Variants in ANOS1 observed in about 807,000 individuals in gnomAD.
ANOS1 encodes the protein anosmin 1.
ANOS1 carries 6 observed loss-of-function variants against 59.0 expected under a neutral mutation model. The observed-to-expected ratio is 0.10, with a 90% CI of 0.06 to 0.20. The LOEUF is 0.20. Among genes scored for constraint, ANOS1 ranks in the 10% least tolerant of loss-of-function variants. The pLI is 1.00. For synonymous variants in ANOS1, 217 were observed against 223.4 expected (o/e 0.97, Z 0.25); for missense variants, 433 against 542.3 (o/e 0.80, Z 2.00).
At chrX:8,552,141 C>T (rs2146795668) in intron 9 of ANOS1, among the ~76,000 whole-genome samples, 1 of 112,264 alleles carries the variant, frequency 8.9e-6, no homozygotes, top group South Asian at 3.7e-4. Flanking sequence ...ATTCAAATAA[C>T]AATGAGGTAT....
intron 3 of ANOS1, among the ~76,000 whole-genome samples, chrX:8,602,847 C>T (rs1041990886): frequency 2.5e-4 from 28 of 110,638 alleles, no homozygotes; most frequent in East Asian, 1.1e-3. Flanking sequence ...CAAGCGATTC[C>T]CCTGCCTCGG....
At chrX:8,712,739 G>A (rs888668565) in intron 1 of ANOS1, among the ~76,000 whole-genome samples, 2 of 112,058 alleles carry the variant, frequency 1.8e-5, no homozygotes, top group African/African-American at 3.2e-5. Flanking sequence ...ATCATAAGAA[G>A]GCATTTGTAA....
rs758957115 is a variant in ANOS1 at position 8,587,752 on chromosome X, C to CTA, written c.726+40_726+41dup. ...TTTGTGCGTAGCTATGTAGCAGACA[C>CTA]TACCTCCAGGATGAAAATCAAAGTC... On this transcript the variant is annotated intron_variant, in intron 5 of 13. Transcript: ENST00000262648. 4 of 1,093,205 alleles carry CTA rather than the reference C, an allele frequency of 3.7e-6. No individual in the cohort carries two copies. The African/African-American group carries it at 7.3e-5, about 20-fold the overall frequency. The allele number at this position is 1,093,205 out of a possible 1,213,427, so 90.1% of individuals were successfully genotyped here.
intron 7 of ANOS1, among the ~76,000 whole-genome samples, chrX:8,569,409 A>G (rs749626182): frequency 0.011 from 1,263 of 112,495 alleles, 10 homozygotes; most frequent in Non-Finnish European, 0.019. Flanking sequence ...TTGGGAGGCC[A>G]AGGTGGGCGG....
intron 4 of ANOS1, among the ~76,000 whole-genome samples, chrX:8,594,332 G>A (rs1357727143): frequency 1.8e-5 from 2 of 109,392 alleles, no homozygotes; most frequent in Non-Finnish European, 3.8e-5. Context: ...GTTGGTTTGT[G>A]CGCTGACTGG....
chrX:8,674,227 A>G (rs1932300080), intron 2 of ANOS1, among the ~76,000 whole-genome samples: 1 of 112,144 alleles, frequency 8.9e-6, no homozygotes, highest in Non-Finnish European at 1.9e-5. Context: ...ATCAACATAC[A>G]AATCTGCTAT....
chrX:8,722,574 T>TACACAC (rs774803381), intron 1 of ANOS1, among the ~76,000 whole-genome samples: 2 of 102,147 alleles, frequency 2.0e-5, no homozygotes, highest in South Asian at 4.2e-4. Context: ...ATTATGTGTG[T>TACACAC]ACACACACAC....
chrX:8,721,250 T>C (rs748904585), intron 1 of ANOS1, among the ~76,000 whole-genome samples: 38 of 111,506 alleles, frequency 3.4e-4, no homozygotes, highest in Non-Finnish European at 7.2e-4. Flanking sequence ...TGGATCATAA[T>C]ATAGGTGCTG....
At chrX:8,572,813 T>G (rs1322797098) in intron 6 of ANOS1, among the ~76,000 whole-genome samples, 1 of 111,193 alleles carries the variant, frequency 9.0e-6, no homozygotes, top group East Asian at 2.8e-4. Context: ...ACAGGTAATA[T>G]GAGGTAGATG....
At chrX:8,625,647 A>C (rs1428702028) in intron 2 of ANOS1, among the ~76,000 whole-genome samples, 2 of 111,783 alleles carry the variant, frequency 1.8e-5, no homozygotes, top group Non-Finnish European at 3.8e-5. Context: ...TTATAACAAT[A>C]ATGCTCAAAG....
In ANOS1 at chrX:8,535,976, T is replaced by C. The variant is rs557972863; in HGVS notation, c.1622-165A>G. Among the ~76,000 whole-genome samples, 5 of 110,820 alleles carry C rather than the reference T, an allele frequency of 4.5e-5. No homozygotes were observed. The South Asian group carries it at 1.5e-3, about 34-fold the overall frequency. ...TTCAGACAATCACCCCTTTGACATA[T>C]GGGGATAGGTTGAGTAGGAATCTCC... On this transcript the variant is annotated intron_variant, in intron 11 of 13. Coordinates refer to ENST00000262648, the MANE Select transcript of ANOS1 (RefSeq NM_000216.4).
intron 8 of ANOS1, chrX:8,566,182 T>C: frequency 1.3e-6 from 1 of 753,973 alleles, no homozygotes; most frequent in Non-Finnish European, 1.6e-6. Context: ...ATGTTGGTCA[T>C]TTCTGCTTCC....
intron 1 of ANOS1, among the ~76,000 whole-genome samples, chrX:8,727,457 G>T (rs765740635): frequency 1.3e-4 from 15 of 112,416 alleles, no homozygotes; most frequent in Admixed American, 6.5e-4. Context: ...TAGCATGATG[G>T]TGTGTTTGGT....
intron 6 of ANOS1, among the ~76,000 whole-genome samples, chrX:8,578,593 G>A (rs1414438110): frequency 1.8e-5 from 2 of 111,959 alleles, no homozygotes; most frequent in African/African-American, 3.2e-5. Context: ...TGAAAACAAT[G>A]CTGTCTGCTT....
chrX:8,609,874 G>C (rs903559174), intron 3 of ANOS1, among the ~76,000 whole-genome samples: 1 of 106,865 alleles, frequency 9.4e-6, no homozygotes, highest in African/African-American at 3.4e-5. Flanking sequence ...GGGCGTGGTG[G>C]TGGGCGCCTG....
At chrX:8,644,271 G>C (rs1157789078) in intron 2 of ANOS1, among the ~76,000 whole-genome samples, 1 of 110,989 alleles carries the variant, frequency 9.0e-6, no homozygotes, top group Admixed American at 9.6e-5. Flanking sequence ...CTTAGCCAAG[G>C]GGTCCCAAAT....
Position 8,725,958 on chromosome X carries a change from C to T in ANOS1, c.207+5872G>A, listed in dbSNP as rs147426061. Among the ~76,000 whole-genome samples, 55 of 109,992 alleles carry T rather than the reference C, an allele frequency of 5.0e-4. 1 individual carries two copies. The East Asian group carries it at 0.014, about 28-fold the overall frequency. On this transcript the variant is annotated intron_variant, in intron 1 of 13. Transcript: ENST00000262648. ...GGTCAAATTCAGAACGTGTTAGAAA[C>T]GCAGCCAGAGAGCCAATAACTCAGA...
Position 8,687,984 on chromosome X carries a change from C to T in ANOS1, c.255+11714G>A, listed in dbSNP as rs767093813. ...TTCCAAAGTAGACTACGCACAAACA[C>T]AAATTAGGTTTTCTAAGAGGAACTC... On this transcript the variant is annotated intron_variant, in intron 2 of 13. Transcript: ENST00000262648. Among the ~76,000 whole-genome samples the T allele has an allele frequency of 9.8e-5, 11 of 112,036 alleles. No individual in the cohort carries two copies. In the South Asian group the frequency reaches 3.4e-3, roughly 34 times the overall value.
At chrX:8,551,700 C>G (rs867423947) in intron 9 of ANOS1, among the ~76,000 whole-genome samples, 1 of 110,694 alleles carries the variant, frequency 9.0e-6, no homozygotes, top group South Asian at 3.8e-4. Flanking sequence ...TGGCTGGATA[C>G]AGTGGCTCAC....
Sources: allele counts gnomAD v4.1 joint callset (sites outside exome capture counted in the v4.1 genomes callset), GRCh38; gene constraint gnomAD v4.1.1; transcripts MANE v1.5; gene names NCBI Gene and HGNC (gene_info 2026-07-23, HGNC 2026-07-21).